Variants in KLF8 observed in about 807,000 individuals in gnomAD.
KLF8 encodes Krueppel-like factor 8.
Under a neutral mutation model 18.2 loss-of-function variants are expected in KLF8, and 10 were observed. The ratio of observed to expected loss-of-function variants is 0.55; its 90% CI spans 0.34 to 0.93. KLF8 has a LOEUF of 0.93. KLF8 is among the 40% of genes least tolerant of loss of function. The pLI is 0.02. For synonymous variants in KLF8, 109 were observed against 97.3 expected (o/e 1.12, Z -0.71); for missense variants, 264 against 277.9 (o/e 0.95, Z 0.36).
chrX:56,063,965 C>T, the KLF8 span, among the ~76,000 whole-genome samples: 1 of 108,757 alleles, frequency 9.2e-6, no homozygotes, highest in African/African-American at 3.3e-5. Flanking sequence ...AGGTTTATGA[C>T]CTTCTATATA....
the KLF8 span, among the ~76,000 whole-genome samples, chrX:56,179,836 G>A: frequency 8.9e-6 from 1 of 111,908 alleles, no homozygotes; most frequent in Non-Finnish European, 1.9e-5. Flanking sequence ...TCCCAGGGAT[G>A]ACGCCAACTT....
chrX:56,021,471 C>T, the KLF8 span, among the ~76,000 whole-genome samples: 6 of 110,943 alleles, frequency 5.4e-5, no homozygotes, highest in Non-Finnish European at 9.4e-5. Flanking sequence ...TGTGCACACC[C>T]GTTTCTGTTG....
At chrX:56,040,783 A>G in the KLF8 span, among the ~76,000 whole-genome samples, 1 of 57,435 alleles carries the variant, frequency 1.7e-5, no homozygotes, top group African/African-American at 6.7e-5. Context: ...GTATAGTTTC[A>G]GTAGAAATGA....
intron 5 of KLF8, among the ~76,000 whole-genome samples, chrX:56,274,162 T>C (rs2067092311): frequency 8.9e-6 from 1 of 112,084 alleles, no homozygotes; most frequent in Non-Finnish European, 1.9e-5. Context: ...TTCCTTTTTT[T>C]CCACATTCTC....
the KLF8 span, among the ~76,000 whole-genome samples, chrX:56,173,881 C>T: frequency 1.6e-4 from 18 of 111,654 alleles, no homozygotes; most frequent in African/African-American, 5.5e-4. Flanking sequence ...GGAGTTCACT[C>T]GTGATTTGGC....
At chrX:56,212,161 C>A in the KLF8 span, among the ~76,000 whole-genome samples, 2 of 111,551 alleles carry the variant, frequency 1.8e-5, no homozygotes, top group Non-Finnish European at 3.8e-5. Flanking sequence ...AGAGTCCTAT[C>A]TTGCTGTGGC....
chrX:56,031,300 A>G, the KLF8 span, among the ~76,000 whole-genome samples: 1 of 112,044 alleles, frequency 8.9e-6, no homozygotes, highest in Non-Finnish European at 1.9e-5. Flanking sequence ...CAGAGTATCA[A>G]GAAATTTAAG....
chrX:55,989,011 A>G, the KLF8 span, among the ~76,000 whole-genome samples: 16 of 111,335 alleles, frequency 1.4e-4, no homozygotes, highest in African/African-American at 4.9e-4. Context: ...TTTGTCTGTT[A>G]TTGGTGTATA....
At chrX:55,988,398 C>T in the KLF8 span, among the ~76,000 whole-genome samples, 1 of 111,871 alleles carries the variant, frequency 8.9e-6, no homozygotes, top group South Asian at 3.7e-4. Context: ...AGGAAGAGAT[C>T]CAGTTTCAGC....
In KLF8 at chrX:56,266,138, C is replaced by T. The variant is rs866659867; in HGVS notation, c.646+394C>T. ...TTGAAGCTTACTAAAGGCATCCACCCTCGGACTTTTCAGGAGAATGTGTTT... is the reference window on the plus strand; with the variant it reads ...TTGAAGCTTACTAAAGGCATCCACCTTCGGACTTTTCAGGAGAATGTGTTT... On this transcript the variant is annotated intron_variant, in intron 3 of 5. Transcript: ENST00000468660. 48 of 765,048 alleles carry T rather than the reference C, an allele frequency of 6.3e-5. 1 individual carries two copies. The highest frequency in any genetic ancestry group is 1.2e-5 in the Non-Finnish European group (8 of 646,787). 63.0% of individuals were successfully genotyped at this position (765,048 alleles called of 1,213,427 possible).
the KLF8 span, among the ~76,000 whole-genome samples, chrX:55,914,892 G>A: frequency 1.8e-5 from 2 of 111,146 alleles, no homozygotes; most frequent in African/African-American, 3.3e-5. Context: ...CACTATACCC[G>A]AAAGCTATTC....
At chrX:56,001,853 C>T in the KLF8 span, among the ~76,000 whole-genome samples, 2 of 112,070 alleles carry the variant, frequency 1.8e-5, no homozygotes, top group African/African-American at 6.5e-5. Context: ...TACTAACCTC[C>T]TCAAATGCTC....
the KLF8 span, among the ~76,000 whole-genome samples, chrX:56,033,182 C>T: frequency 4.5e-5 from 5 of 111,306 alleles, no homozygotes; most frequent in Non-Finnish European, 1.9e-5. Flanking sequence ...TCTCCCCATT[C>T]CCCAACCCAA....
the KLF8 span, among the ~76,000 whole-genome samples, chrX:56,084,729 G>A: frequency 8.9e-6 from 1 of 112,206 alleles, no homozygotes; most frequent in Non-Finnish European, 1.9e-5. Flanking sequence ...GTAGCCATTG[G>A]AATTTCAAAT....
the KLF8 span, among the ~76,000 whole-genome samples, chrX:56,012,623 G>C: frequency 9.0e-6 from 1 of 111,130 alleles, no homozygotes; most frequent in Admixed American, 9.6e-5. Flanking sequence ...AAGAAATGAA[G>C]GTATTGAAAT....
chrX:56,267,264 A>G, intron 3 of KLF8: 1 of 684,140 alleles, frequency 1.5e-6, no homozygotes, highest in Non-Finnish European at 1.7e-6. Flanking sequence ...ATAAAGACAT[A>G]CTCGAGACTG....
intron 1 of KLF8, among the ~76,000 whole-genome samples, chrX:56,241,904 T>G (rs1223210022): frequency 8.9e-6 from 1 of 112,600 alleles, no homozygotes; most frequent in East Asian, 2.8e-4. Context: ...GTTTCTATAA[T>G]ACCTTTAAAT....
At chrX:56,079,226 T>C in the KLF8 span, among the ~76,000 whole-genome samples, 1 of 111,483 alleles carries the variant, frequency 9.0e-6, no homozygotes, top group African/African-American at 3.3e-5. Flanking sequence ...TCGTTTTAAT[T>C]GGGATGTTAG....
At chrX:55,966,583 T>G in the KLF8 span, among the ~76,000 whole-genome samples, 1 of 112,274 alleles carries the variant, frequency 8.9e-6, no homozygotes, top group Non-Finnish European at 1.9e-5. Context: ...CAGATATGTC[T>G]GCAGTGACCA....
Sources: gnomAD v4.1 joint callset for allele counts (sites outside exome capture counted in the v4.1 genomes callset) on GRCh38, gnomAD v4.1.1 for gene constraint, MANE v1.5 for transcripts, NCBI Gene and HGNC (gene_info 2026-07-23, HGNC 2026-07-21) for gene names.